Variants in SBF2 observed in about 807,000 individuals in gnomAD.
SBF2 encodes the protein myotubularin-related protein 13.
In SBF2, 112 loss-of-function variants were observed where a neutral mutation model predicts 225.2. The ratio of observed to expected loss-of-function variants is 0.50; its 90% CI spans 0.43 to 0.58. SBF2 has a LOEUF of 0.58. SBF2 is among the 20% of genes least tolerant of loss of function. The probability of loss-of-function intolerance (pLI) is 0.00; values close to 1 mark genes in which losing one functional copy is unlikely to be tolerated. For synonymous variants in SBF2, 763 were observed against 773.3 expected (o/e 0.99, Z 0.22); for missense variants, 1,996 against 2,206.2 (o/e 0.90, Z 1.91).
chr11:9,898,117 G>C (rs1282631138), intron 16 of SBF2, among the ~76,000 whole-genome samples: 1 of 150,924 alleles, frequency 6.6e-6, no homozygotes, highest in Admixed American at 6.6e-5. Flanking sequence ...AGGGAAATAG[G>C]CAAAGATAAT....
intron 6 of SBF2, among the ~76,000 whole-genome samples, chr11:10,020,045 A>C (rs1238117854): frequency 6.6e-6 from 1 of 152,018 alleles, no homozygotes; most frequent in Admixed American, 6.6e-5. Flanking sequence ...GCCCAACCCC[A>C]ACCAGGAATG....
At chr11:10,022,935 T>C (rs1293480677) in intron 6 of SBF2, among the ~76,000 whole-genome samples, 1 of 152,116 alleles carries the variant, frequency 6.6e-6, no homozygotes, top group East Asian at 1.9e-4. Flanking sequence ...GTTTAATCCC[T>C]TTGGCAAAAC....
intron 2 of SBF2, among the ~76,000 whole-genome samples, chr11:10,139,237 T>A (rs1023659520): frequency 3.3e-5 from 5 of 152,180 alleles, no homozygotes; most frequent in Admixed American, 2.6e-4. Context: ...AAATATTTTC[T>A]AAGCACTCTA....
chr11:10,153,821 A>G (rs1439934197), intron 2 of SBF2, among the ~76,000 whole-genome samples: 1 of 152,106 alleles, frequency 6.6e-6, no homozygotes, highest in Non-Finnish European at 1.5e-5. Flanking sequence ...ATTTAGGTCT[A>G]TGATTTATTT....
At chr11:10,095,623 G>C (rs911663892) in intron 2 of SBF2, among the ~76,000 whole-genome samples, 2 of 152,148 alleles carry the variant, frequency 1.3e-5, no homozygotes, top group Non-Finnish European at 2.9e-5. Flanking sequence ...TGGTATATTT[G>C]ATGAGTCATG....
chr11:10,186,656 T>A (rs1387117287), intron 2 of SBF2, among the ~76,000 whole-genome samples: 1 of 152,180 alleles, frequency 6.6e-6, no homozygotes, highest in Non-Finnish European at 1.5e-5. Flanking sequence ...TTGCCATTGG[T>A]GACTAAACTC....
intron 26 of SBF2, among the ~76,000 whole-genome samples, chr11:9,835,772 A>C (rs1447235171): frequency 1.3e-5 from 2 of 151,898 alleles, no homozygotes; most frequent in African/African-American, 4.8e-5. Context: ...TGTTTATGAG[A>C]TCCATCCGTG....
At chr11:10,061,108 A>G (rs1462378059) in intron 2 of SBF2, among the ~76,000 whole-genome samples, 3 of 152,222 alleles carry the variant, frequency 2.0e-5, no homozygotes, top group Non-Finnish European at 4.4e-5. Flanking sequence ...AAACCACATA[A>G]TTATATCACT....
At chr11:10,042,812 G>T in intron 3 of SBF2, 32 bp downstream of exon 3, 18 of 1,610,396 alleles carry the variant, frequency 1.1e-5, no homozygotes, top group Middle Eastern at 1.7e-4. Context: ...TTGTACCTTC[G>T]ACTGTACTTT....
chr11:9,927,265 G>T (rs1056299312), intron 16 of SBF2, among the ~76,000 whole-genome samples: 3 of 152,098 alleles, frequency 2.0e-5, no homozygotes, highest in African/African-American at 7.2e-5. Context: ...CATAAAGAAA[G>T]ATCTAGGCCT....
intron 1 of SBF2, among the ~76,000 whole-genome samples, chr11:10,260,071 T>C (rs1961277308): frequency 1.3e-5 from 2 of 152,208 alleles, no homozygotes; most frequent in Admixed American, 1.3e-4. Flanking sequence ...CTGATTTGGA[T>C]AGTTTGGGTT....
chr11:10,156,539 G>A (rs1294690625), intron 2 of SBF2, among the ~76,000 whole-genome samples: 1 of 152,224 alleles, frequency 6.6e-6, no homozygotes, highest in African/African-American at 2.4e-5. Context: ...GGTGAAGTCT[G>A]GGGCTCAGAG....
chr11:10,123,034 T>C (rs1020448483), intron 2 of SBF2, among the ~76,000 whole-genome samples: 1 of 152,094 alleles, frequency 6.6e-6, no homozygotes, highest in Admixed American at 6.5e-5. Flanking sequence ...ATTTCATGAG[T>C]CACCACACAG....
At chr11:10,120,100 C>T (rs1953365256) in intron 2 of SBF2, among the ~76,000 whole-genome samples, 1 of 152,148 alleles carries the variant, frequency 6.6e-6, no homozygotes, top group African/African-American at 2.4e-5. Context: ...TTTTCCCTTC[C>T]CCTAGCCCCT....
chr11:9,994,747 TGAG>T (rs1565107735), intron 9 of SBF2, among the ~76,000 whole-genome samples: 2 of 151,802 alleles, frequency 1.3e-5, no homozygotes, highest in African/African-American at 4.8e-5. Context: ...TAAAAATTAC[TGAG>T]GAGAGGCCAG....
rs372742720 is a variant in SBF2, at chr11:10,030,607, T to G, written c.402+441A>C. ...TGTGTTTCTAAAACAAGAAAATACC[T>G]GGAAGCAATATTTTAAGACTATTTT... On this transcript the variant is annotated intron_variant, in intron 4 of 39. Transcript: ENST00000256190. Among the ~76,000 whole-genome samples the G allele has an allele frequency of 3.3e-5, 5 of 152,308 alleles. No homozygotes were observed. In the East Asian group the frequency reaches 9.6e-4, roughly 29 times the overall value.
At chr11:9,850,733 T>A (rs1458583353) in intron 21 of SBF2, among the ~76,000 whole-genome samples, 1 of 152,204 alleles carries the variant, frequency 6.6e-6, no homozygotes, top group Non-Finnish European at 1.5e-5. Flanking sequence ...TGCAGAATTG[T>A]GTAAAAGTAA....
At chr11:10,179,193 G>T (rs1956614271) in intron 2 of SBF2, among the ~76,000 whole-genome samples, 1 of 149,182 alleles carries the variant, frequency 6.7e-6, no homozygotes, top group East Asian at 2.0e-4. Flanking sequence ...GGGGACTGTT[G>T]TATGGTGGGG....
intron 1 of SBF2, among the ~76,000 whole-genome samples, chr11:10,248,470 T>C (rs1960020917): frequency 6.6e-6 from 1 of 152,210 alleles, no homozygotes; most frequent in African/African-American, 2.4e-5. Context: ...TGGAGTGAGA[T>C]GCTGGAAAGA....
Sources: allele counts gnomAD v4.1 joint callset (sites outside exome capture counted in the v4.1 genomes callset), GRCh38; gene constraint gnomAD v4.1.1; transcripts MANE v1.5; gene names NCBI Gene and HGNC (gene_info 2026-07-23, HGNC 2026-07-21).